GET1: variants seen among roughly 807,000 people sequenced by gnomAD.
The protein encoded by GET1 is congenital heart disease 5 protein.
Under a neutral mutation model 22.6 loss-of-function variants are expected in GET1, and 20 were observed. The observed-to-expected ratio is 0.89, with a 90% CI of 0.62 to 1.29. The LOEUF (loss-of-function observed/expected upper bound fraction) is 1.29. Ranked by LOEUF, GET1 falls within the 50% of genes most tolerant of loss-of-function variation. GET1 has a pLI of 0.00. For synonymous variants in GET1, 92 were observed against 83.8 expected (o/e 1.10, Z -0.53); for missense variants, 209 against 219.9 (o/e 0.95, Z 0.31).
At chr21:39,409,927 T>A (rs1035259658), downstream of GET1, 5 of 1,045,806 alleles carry the variant, frequency 4.8e-6, no homozygotes, top group African/African-American at 8.0e-5. The surrounding 1 kb of genome is among the most constrained non-coding windows in gnomAD (Gnocchi z 4.2). Context: ...CATATAGTAA[T>A]TCACAATTTT....
In GET1 at chr21:39,406,558, C is replaced by G. The variant is rs372283171; in HGVS notation, c.*574C>G. ...GTCTTCTTTTTTGTCTTTTTGTCTT[C>G]CAGTATTCTCCAGCAGTATTTGGAC... On this transcript the variant is annotated 3_prime_UTR_variant, in exon 5 of 5. Transcript: ENST00000415847. 38 of 1,608,346 alleles carry G rather than the reference C, an allele frequency of 2.4e-5. No homozygotes were observed. The African/African-American group carries it at 3.9e-4, about 17-fold the overall frequency.
intron 1 of GET1, among the ~76,000 whole-genome samples, chr21:39,418,391 T>C (rs1030602640): frequency 6.6e-5 from 10 of 152,246 alleles, no homozygotes; most frequent in Admixed American, 2.6e-4. Flanking sequence ...TTTAATTTTC[T>C]TTTTAAAAAT....
chr21:39,410,122 C>T, downstream of GET1: 3 of 1,502,482 alleles, frequency 2.0e-6, no homozygotes, highest in Non-Finnish European at 2.8e-6. Flanking sequence ...GCAGCAAAAA[C>T]ACATTTTGGG....
chr21:39,414,742 C>CTT (rs1341489035), intron 1 of GET1, among the ~76,000 whole-genome samples: 2 of 99,178 alleles, frequency 2.0e-5, no homozygotes, highest in Non-Finnish European at 3.8e-5. Context: ...CTCTCTCTCT[C>CTT]TGTGTGTGTG....
chr21:39,407,115 T>A (rs777937935), downstream of GET1, among the ~76,000 whole-genome samples: 1 of 152,100 alleles, frequency 6.6e-6, no homozygotes, highest in Non-Finnish European at 1.5e-5. Context: ...TAGTCTTGGC[T>A]ACTCAGGAGG....
chr21:39,381,958 C>T (rs546508779), intron 1 of GET1, among the ~76,000 whole-genome samples: 159 of 152,184 alleles, frequency 1.0e-3, no homozygotes, highest in Admixed American at 1.5e-3. Context: ...AGGCTGGTCT[C>T]AAACTCCTGA....
intron 1 of GET1, among the ~76,000 whole-genome samples, chr21:39,412,231 C>G (rs2040208403): frequency 6.6e-6 from 1 of 152,136 alleles, no homozygotes; most frequent in Non-Finnish European, 1.5e-5. Context: ...TGACTAGTGA[C>G]TACAGTATTG....
chr21:39,417,941 AT>A (rs1164884064), intron 1 of GET1, among the ~76,000 whole-genome samples: 6 of 151,748 alleles, frequency 4.0e-5, no homozygotes, highest in Admixed American at 6.6e-5. Context: ...AATTTTTTGT[AT>A]TTTTTAGTAG....
At chr21:39,391,865 A>G in intron 3 of GET1, 29 bp downstream of exon 3, 5 of 1,613,160 alleles carry the variant, frequency 3.1e-6, no homozygotes, top group Non-Finnish European at 3.4e-6. Context: ...CAGCCGGGTC[A>G]TTGGAGTTGG....
At chr21:39,402,434 C>T (rs562534122), downstream of GET1, among the ~76,000 whole-genome samples, 52 of 152,262 alleles carry the variant, frequency 3.4e-4, no homozygotes, top group African/African-American at 1.0e-3. Context: ...TCTTTTAGTT[C>T]ACTGAGCTGG....
intron 1 of GET1, among the ~76,000 whole-genome samples, chr21:39,390,442 G>T (rs1311815773): frequency 6.6e-6 from 1 of 152,200 alleles, no homozygotes; most frequent in African/African-American, 2.4e-5. Flanking sequence ...GGGAGTTTAA[G>T]GACTTTGTCA....
chr21:39,393,873 C>T lies in GET1; in HGVS notation c.451+593C>T, dbSNP rs977462094. On this transcript the variant is annotated intron_variant, in intron 4 of 4. Transcript: ENST00000649170. ...CCATGTTGGCCAGGCTGGTCTCAAA[C>T]TCCTGACCTTAAGTGATCCTCATGC... Among the ~76,000 whole-genome samples the T allele has an allele frequency of 2.0e-5, 3 of 150,852 alleles. No individual in the cohort carries two copies. In the South Asian group the frequency reaches 6.5e-4, roughly 33 times the overall value.
chr21:39,420,770 A>C, intron 1 of GET1: 4 of 1,613,718 alleles, frequency 2.5e-6, no homozygotes, highest in Non-Finnish European at 3.4e-6. Flanking sequence ...CTGAGCTGCT[A>C]AAGTCTTCCG....
intron 4 of GET1, among the ~76,000 whole-genome samples, chr21:39,404,998 A>AT (rs1386300415): frequency 2.6e-5 from 4 of 151,594 alleles, no homozygotes; most frequent in African/African-American, 9.7e-5. Flanking sequence ...CACCCAGCTG[A>AT]TTTTTTGTAT....
At chr21:39,408,603 C>G (rs1390771427), downstream of GET1, 1 of 152,358 alleles carries the variant, frequency 6.6e-6, no homozygotes, top group African/African-American at 2.4e-5. Context: ...TCAAACCCTG[C>G]AGTCTGGGCC....
At position 39,414,736 on chromosome 21, in the gene GET1, CTCTCTCTGTGTGTGTGTGTG is replaced by C. The variant is rs1234735987; in HGVS notation, c.*23+3801_*23+3820del. ...TCCCTCTCTCTCTCTCTCTCTCTCT[CTCTCTCTGTGTGTGTGTGTG>C]TGTGTGTGTGTGTGTGTGTGTGTCT... On this transcript the variant is annotated intron_variant, in intron 1 of 1. Transcript: ENST00000478273. 5.9e-3 allele frequency among the ~76,000 whole-genome samples: 548 copies of C among 92,280 alleles called. 6 individuals carry two copies. Among genetic ancestry groups the C allele is most frequent in the African/African-American group, 0.023 (504 of 21,702 alleles). 60.5% of individuals were successfully genotyped at this position (92,280 alleles called of 152,430 possible).
At chr21:39,400,180 G>C (rs2147023034), downstream of GET1, among the ~76,000 whole-genome samples, 2 of 146,292 alleles carry the variant, frequency 1.4e-5, 1 homozygote, top group South Asian at 4.6e-4. Flanking sequence ...GTGTGTGTGT[G>C]CACGCGCACG....
chr21:39,394,438 A>G (rs2038508155), intron 4 of GET1, among the ~76,000 whole-genome samples: 1 of 152,224 alleles, frequency 6.6e-6, no homozygotes, highest in South Asian at 2.1e-4. Flanking sequence ...CACCTGGCAC[A>G]TCACATGTTG....
At chr21:39,388,351 A>C (rs1398433385) in intron 1 of GET1, among the ~76,000 whole-genome samples, 2 of 152,186 alleles carry the variant, frequency 1.3e-5, no homozygotes, top group African/African-American at 4.8e-5. Flanking sequence ...CGTTACCACG[A>C]TCTGATCCTC....
Sources: gnomAD v4.1 joint callset for allele counts (sites outside exome capture counted in the v4.1 genomes callset) on GRCh38, gnomAD v4.1.1 for gene constraint, Gnocchi (gnomAD v3.1) non-coding constraint, MANE v1.5 for transcripts, NCBI Gene and HGNC (gene_info 2026-07-23, HGNC 2026-07-21) for gene names.